TCF7L2: variants seen among roughly 807,000 people sequenced by gnomAD.
The protein encoded by TCF7L2 is transcription factor 7 like 2, also known as transcription factor 7-like 2.
Under a neutral mutation model 77.9 loss-of-function variants are expected in TCF7L2, and 23 were observed. That is an observed-to-expected ratio of 0.30 (90% confidence interval 0.21 to 0.42). TCF7L2 has a LOEUF of 0.42. Among genes scored for constraint, TCF7L2 ranks in the 10% least tolerant of loss-of-function variants. The pLI is 1.00. For synonymous variants in TCF7L2, 413 were observed against 340.2 expected, an observed-to-expected ratio of 1.21 and a Z score of -2.36; for missense variants, 654 against 793.1, an observed-to-expected ratio of 0.82 and a Z score of 2.11.
intron 5 of TCF7L2, among the ~76,000 whole-genome samples, chr10:113,117,964 C>G (rs530667056): frequency 8.4e-6 from 1 of 119,292 alleles, no homozygotes; most frequent in East Asian, 3.0e-4. Flanking sequence ...CTTGCTCGCC[C>G]CCACCCCCCG....
At chr10:113,126,492 A>G (rs958088515) in intron 5 of TCF7L2, 14 of 942,800 alleles carry the variant, frequency 1.5e-5, no homozygotes, top group Non-Finnish European at 1.8e-5. Flanking sequence ...GGCAAACAAA[A>G]TATCAGGCTT....
In TCF7L2 at chr10:113,015,446, C is replaced by CT. The variant is rs67005436; in HGVS notation, c.451-24558dup. 5.5e-3 allele frequency among the ~76,000 whole-genome samples: 564 copies of CT among 103,186 alleles called. 2 individuals are homozygous for CT. The highest frequency in any genetic ancestry group is 7.4e-3 in the South Asian group (24 of 3,254). 67.7% of individuals were successfully genotyped at this position (103,186 alleles called of 152,430 possible). Reference sequence around the variant, plus strand: ...TGCTGGGCTTTTCCTGCCTGATGAGCTTTTTTTTTTTTTTTTTTTTTGAGA... The same window carrying CT: ...TGCTGGGCTTTTCCTGCCTGATGAGCTTTTTTTTTTTTTTTTTTTTTTGAGA... On this transcript the variant is annotated intron_variant, in intron 4 of 13. Coordinates refer to ENST00000627217, the MANE Select transcript of TCF7L2 (RefSeq NM_001146274.2).
At chr10:113,102,507 C>G (rs926016514) in intron 5 of TCF7L2, among the ~76,000 whole-genome samples, 1 of 151,584 alleles carries the variant, frequency 6.6e-6, no homozygotes, top group Non-Finnish European at 1.5e-5. Flanking sequence ...TCACTGCAAC[C>G]TCCACCTCCT....
chr10:113,046,913 T>C (rs1431631727), intron 5 of TCF7L2, among the ~76,000 whole-genome samples: 2 of 152,110 alleles, frequency 1.3e-5, no homozygotes, highest in Non-Finnish European at 2.9e-5. Context: ...CTTGAGCTCA[T>C]AGTGCTCAGT....
rs556561481 is a variant in TCF7L2 at position 113,055,856 on chromosome 10, A to ATAGT, written c.552+15732_552+15735dup. On this transcript the variant is annotated intron_variant, in intron 5 of 13. Transcript: ENST00000627217. ...CTCTAAGTAGCTCCGAATTCTGCAG[A>ATAGT]TAGTTGGTGCAGGAATTCTGATTTT... Among the ~76,000 whole-genome samples the ATAGT allele has an allele frequency of 2.8e-4, 42 of 152,336 alleles. No homozygotes were observed. In the South Asian group the frequency reaches 8.7e-3, roughly 32 times the overall value.
At chr10:112,990,310 G>T (rs186735619) in intron 4 of TCF7L2, among the ~76,000 whole-genome samples, 84 of 152,206 alleles carry the variant, frequency 5.5e-4, no homozygotes, top group African/African-American at 2.0e-3. Context: ...GAGCAGTTCA[G>T]GTTTGTAAAA....
intron 5 of TCF7L2, among the ~76,000 whole-genome samples, chr10:113,135,901 C>T (rs764372520): frequency 4.6e-5 from 7 of 152,010 alleles, no homozygotes; most frequent in African/African-American, 9.7e-5. Flanking sequence ...CAGATCCCAC[C>T]GAGAGTCCTG....
chr10:113,119,464 A>G (rs1393837304), intron 5 of TCF7L2, among the ~76,000 whole-genome samples: 1 of 152,214 alleles, frequency 6.6e-6, no homozygotes, highest in African/African-American at 2.4e-5. Flanking sequence ...ATATACTAAT[A>G]TCGGTCAGGG....
At chr10:113,028,058 A>C (rs1312082929) in intron 4 of TCF7L2, among the ~76,000 whole-genome samples, 1 of 152,214 alleles carries the variant, frequency 6.6e-6, no homozygotes, top group Non-Finnish European at 1.5e-5. Flanking sequence ...TGAGACATTC[A>C]GCTTATGTCT....
At chr10:113,076,196 GAC>G (rs2058679975) in intron 5 of TCF7L2, among the ~76,000 whole-genome samples, 1 of 150,148 alleles carries the variant, frequency 6.7e-6, no homozygotes, top group Non-Finnish European at 1.5e-5. Flanking sequence ...GGGATATACT[GAC>G]TTGATCATAG....
intron 5 of TCF7L2, among the ~76,000 whole-genome samples, chr10:113,098,923 G>A (rs2061342540): frequency 6.6e-6 from 1 of 152,122 alleles, no homozygotes; most frequent in Non-Finnish European, 1.5e-5. Flanking sequence ...CCATTTGATA[G>A]ATAGTGCCGA....
At chr10:113,050,564 A>AGGG (rs201829294) in intron 5 of TCF7L2, among the ~76,000 whole-genome samples, 1 of 152,164 alleles carries the variant, frequency 6.6e-6, no homozygotes, top group East Asian at 1.9e-4. Flanking sequence ...TTGTAAGCGA[A>AGGG]GGGGAACATG....
chr10:112,954,876 A>T (rs537633558), intron 3 of TCF7L2, among the ~76,000 whole-genome samples: 1 of 152,332 alleles, frequency 6.6e-6, no homozygotes, highest in South Asian at 2.1e-4. Context: ...CAGATAAATA[A>T]GCTGCATCTT....
At chr10:113,026,495 C>T (rs2049199819) in intron 4 of TCF7L2, among the ~76,000 whole-genome samples, 1 of 152,116 alleles carries the variant, frequency 6.6e-6, no homozygotes, top group Non-Finnish European at 1.5e-5. Context: ...TTTTCTAGAC[C>T]CTTCTGTCAG....
chr10:113,073,121 T>TGTGTGTGTGTGTGTGG, intron 5 of TCF7L2, among the ~76,000 whole-genome samples: 1 of 142,334 alleles, frequency 7.0e-6, no homozygotes, highest in African/African-American at 2.6e-5. Flanking sequence ...TGTGTGTGTG[T>TGTGTGTGTGTGTGTGG]GTGTGTGTGA....
intron 3 of TCF7L2, among the ~76,000 whole-genome samples, chr10:112,963,738 A>G (rs1423780120): frequency 1.3e-5 from 2 of 152,184 alleles, no homozygotes; most frequent in South Asian, 2.1e-4. Context: ...TGCTCTTCCT[A>G]TTTCGGGATA....
chr10:113,072,400 G>A (rs1419136810), intron 5 of TCF7L2, among the ~76,000 whole-genome samples: 1 of 152,076 alleles, frequency 6.6e-6, no homozygotes, highest in Non-Finnish European at 1.5e-5. Context: ...TGTCACCCAG[G>A]CTGGAGTACG....
intron 5 of TCF7L2, among the ~76,000 whole-genome samples, chr10:113,043,589 C>T (rs2052857990): frequency 1.3e-5 from 2 of 152,064 alleles, no homozygotes; most frequent in African/African-American, 2.4e-5. Context: ...CCTGCCTTCC[C>T]TCTTCCTTCT....
At chr10:113,143,789 T>C in intron 6 of TCF7L2, 134 bp from the exon 7 acceptor site, 1 of 637,984 alleles carries the variant, frequency 1.6e-6, no homozygotes, top group Non-Finnish European at 2.7e-6. Context: ...TCAGGATTTA[T>C]AATCATGAAT....
Sources: gnomAD v4.1 joint callset for allele counts (sites outside exome capture counted in the v4.1 genomes callset) on GRCh38, gnomAD v4.1.1 for gene constraint, MANE v1.5 for transcripts, NCBI Gene and HGNC (gene_info 2026-07-23, HGNC 2026-07-21) for gene names.